Variants in VPS50 observed in about 807,000 individuals in gnomAD.
VPS50 encodes the protein VPS50 subunit of EARP/GARPII complex.
VPS50 carries 70 observed loss-of-function variants against 139.7 expected under a neutral mutation model. That is an observed-to-expected ratio of 0.50 (90% CI 0.41 to 0.61). The LOEUF is 0.61. VPS50 is among the 20% of genes least tolerant of loss of function. The pLI, the probability that VPS50 is intolerant of heterozygous loss-of-function variation, is 0.00. For missense variants in VPS50, 921 were observed against 1,133.7 expected (o/e 0.81, Z 2.69); for synonymous variants, 365 against 376.7 (o/e 0.97, Z 0.36).
chr7:93,308,836 GAAC>G lies in VPS50; in HGVS notation c.1645_1647del (p.Gln549del). 1 of 1,592,570 alleles carries G rather than the reference GAAC, an allele frequency of 6.3e-7. No homozygotes were observed. The highest frequency in any genetic ancestry group is 8.6e-7 in the Non-Finnish European group (1 of 1,161,964). ...GTGTTTTCTTCAGTATGAATCTGAT[GAAC>G]AAGAAAAGAGTGCCTATCAAGAGTA... On this transcript the variant is annotated inframe_deletion, in exon 19 of 28. Transcript: ENST00000305866.
At chr7:93,354,064 ACCTAAC>A (rs1798630138) in intron 26 of VPS50, among the ~76,000 whole-genome samples, 1 of 152,180 alleles carries the variant, frequency 6.6e-6, no homozygotes, top group African/African-American at 2.4e-5. Context: ...TGATTGTTAT[ACCTAAC>A]CTTTTTTGAG....
At chr7:93,318,025 A>G (rs1183402713) in intron 20 of VPS50, among the ~76,000 whole-genome samples, 1 of 151,626 alleles carries the variant, frequency 6.6e-6, no homozygotes, top group African/African-American at 2.4e-5. Flanking sequence ...TTTGTCATTC[A>G]CTTTAAACTA....
intron 22 of VPS50, among the ~76,000 whole-genome samples, chr7:93,339,011 G>A (rs1798139932): frequency 6.6e-6 from 1 of 152,116 alleles, no homozygotes; most frequent in Non-Finnish European, 1.5e-5. Context: ...GAGGAAGAAG[G>A]GGAGTCATGA....
intron 13 of VPS50, among the ~76,000 whole-genome samples, chr7:93,293,061 T>A (rs75693679): frequency 0.017 from 2,638 of 152,236 alleles, 88 homozygotes; most frequent in African/African-American, 0.06. Flanking sequence ...GCTCCTAAAA[T>A]TGGTCAGTTA....
At chr7:93,315,799 G>A (rs1707827875) in intron 20 of VPS50, among the ~76,000 whole-genome samples, 1 of 149,254 alleles carries the variant, frequency 6.7e-6, no homozygotes, top group Non-Finnish European at 1.5e-5. Flanking sequence ...TTCTTTTTTT[G>A]CCATGTATAT....
intron 27 of VPS50, among the ~76,000 whole-genome samples, chr7:93,356,449 G>A (rs558420130): frequency 2.6e-4 from 40 of 152,244 alleles, no homozygotes; most frequent in African/African-American, 8.7e-4. Context: ...AGCCATAATC[G>A]ATTATGTAAC....
Position 93,272,797 on chromosome 7 carries a change from G to A in VPS50, c.801+64G>A, listed in dbSNP as rs1796048527. The A allele has an allele frequency of 5.4e-6, 4 of 734,268 alleles. No homozygotes were observed. In the East Asian group the frequency reaches 1.1e-4, roughly 20 times the overall value. 45.5% of individuals were successfully genotyped at this position (734,268 alleles called of 1,614,324 possible). ...GGAATTTGTTGTCCTTCATGATTAAGTCTGAATATTATTAATCTCATGTCC... is the reference window on the plus strand; with the variant it reads ...GGAATTTGTTGTCCTTCATGATTAAATCTGAATATTATTAATCTCATGTCC... On this transcript the variant is annotated intron_variant, in intron 11 of 27. Coordinates refer to ENST00000305866, the MANE Select transcript of VPS50 (RefSeq NM_017667.4).
chr7:93,259,065 A>C (rs567554725), intron 8 of VPS50, among the ~76,000 whole-genome samples: 1 of 152,168 alleles, frequency 6.6e-6, no homozygotes, highest in South Asian at 2.1e-4. Context: ...AATTACTGTT[A>C]GGTGATAAAA....
rs541554679 is a variant in VPS50, at chr7:93,289,108, C to T, written c.943-2595C>T. On this transcript the variant is annotated intron_variant, in intron 12 of 27. Transcript: ENST00000305866. Reference sequence around the variant, plus strand: ...TGTTTCATCCAAGTTTTTTTTAGGCCGTGGTTAAGAAGATAGCTCAGAGGA... The same window carrying T: ...TGTTTCATCCAAGTTTTTTTTAGGCTGTGGTTAAGAAGATAGCTCAGAGGA... Among the ~76,000 whole-genome samples the T allele has an allele frequency of 3.3e-5, 5 of 151,816 alleles. No individual in the cohort carries two copies. The South Asian group carries it at 6.2e-4, about 19-fold the overall frequency.
At chr7:93,263,276 G>A (rs1400668934) in intron 9 of VPS50, among the ~76,000 whole-genome samples, 1 of 152,088 alleles carries the variant, frequency 6.6e-6, no homozygotes, top group Non-Finnish European at 1.5e-5. Flanking sequence ...GTAATCTTAG[G>A]AGCAGTAATT....
At chr7:93,326,486 G>A (rs1797783639) in intron 21 of VPS50, among the ~76,000 whole-genome samples, 3 of 149,064 alleles carry the variant, frequency 2.0e-5, no homozygotes, top group African/African-American at 7.4e-5. Flanking sequence ...AAATAATACA[G>A]TATTGAAACC....
At position 93,358,594 on chromosome 7, in the gene VPS50, TCTC is replaced by T. The variant is rs1331774296; in HGVS notation, c.*159_*161del. 1.1e-5 allele frequency: 7 copies of T among 626,110 alleles called. No individual in the cohort carries two copies. Among genetic ancestry groups the T allele is most frequent in the Non-Finnish European group, 2.0e-5 (7 of 357,008 alleles). 38.8% of individuals were successfully genotyped at this position (626,110 alleles called of 1,614,324 possible). On this transcript the variant is annotated 3_prime_UTR_variant, in exon 28 of 28. Coordinates refer to ENST00000305866, the MANE Select transcript of VPS50 (RefSeq NM_017667.4). ...GAAAATATTGAAATGTGTGTGGTGT[TCTC>T]ATGACTTTTATATGCTGTGGTCTCT...
chr7:93,315,964 A>G (rs1208491055), intron 20 of VPS50, among the ~76,000 whole-genome samples: 1 of 152,146 alleles, frequency 6.6e-6, no homozygotes, highest in East Asian at 1.9e-4. Flanking sequence ...CAAAATAAAA[A>G]AATTTACAGT....
chr7:93,242,427 A>G (rs1402979526), intron 2 of VPS50, among the ~76,000 whole-genome samples: 1 of 151,858 alleles, frequency 6.6e-6, no homozygotes, highest in East Asian at 1.9e-4. Flanking sequence ...ACCTTTTAAA[A>G]ATGGTATCAT....
At chr7:93,303,099 T>G (rs1239650321) in intron 16 of VPS50, among the ~76,000 whole-genome samples, 3 of 152,024 alleles carry the variant, frequency 2.0e-5, no homozygotes, top group Admixed American at 2.0e-4. Flanking sequence ...TGTAAATTTT[T>G]TCTTGATGTT....
chr7:93,238,559 A>G (rs1382549398), intron 1 of VPS50, among the ~76,000 whole-genome samples: 1 of 152,200 alleles, frequency 6.6e-6, no homozygotes, highest in Non-Finnish European at 1.5e-5. Context: ...TTAAAACTTT[A>G]CTACTTTGGC....
chr7:93,309,403 T>C (rs183648276), intron 19 of VPS50, among the ~76,000 whole-genome samples: 26 of 152,140 alleles, frequency 1.7e-4, no homozygotes, highest in African/African-American at 6.3e-4. Flanking sequence ...TTTAAATCTG[T>C]TAAAATTACT....
At chr7:93,350,375 A>G (rs1798522009) in intron 25 of VPS50, among the ~76,000 whole-genome samples, 1 of 152,210 alleles carries the variant, frequency 6.6e-6, no homozygotes, top group African/African-American at 2.4e-5. Flanking sequence ...CATAATATTC[A>G]TTAGCAAGAG....
At chr7:93,243,425 G>A (rs1795054331) in intron 2 of VPS50, among the ~76,000 whole-genome samples, 1 of 151,818 alleles carries the variant, frequency 6.6e-6, no homozygotes, top group Non-Finnish European at 1.5e-5. Flanking sequence ...CCAGGTTTGG[G>A]AACCAATGGC....
Sources: gnomAD v4.1 joint callset for allele counts (sites outside exome capture counted in the v4.1 genomes callset) on GRCh38, gnomAD v4.1.1 for gene constraint, MANE v1.5 for transcripts, NCBI Gene and HGNC (gene_info 2026-07-23, HGNC 2026-07-21) for gene names.